The following STK39 variants were observed in gnomAD, a reference collection of about 807,000 sequenced individuals.
STK39 encodes serine/threonine kinase 39.
In STK39, 20 loss-of-function variants were observed where a neutral mutation model predicts 77.8. The ratio of observed to expected loss-of-function variants is 0.26; its 90% confidence interval spans 0.18 to 0.37. STK39 has a LOEUF of 0.37. Among genes scored for constraint, STK39 ranks in the 10% least tolerant of loss-of-function variants. STK39 has a pLI of 1.00. For synonymous variants in STK39, 246 were observed against 234.1 expected, an observed-to-expected ratio of 1.05 and a Z score of -0.47; for missense variants, 479 against 656.5, an observed-to-expected ratio of 0.73 and a Z score of 2.95.
rs1327960083 is a variant in STK39, at chr2:168,122,055, C to T, written c.1089+7486G>A. Among the ~76,000 whole-genome samples, 4 of 152,274 alleles carry T rather than the reference C, an allele frequency of 2.6e-5. No homozygotes were observed. The East Asian group carries it at 7.7e-4, about 29-fold the overall frequency. On this transcript the variant is annotated intron_variant, in intron 10 of 17. Transcript: ENST00000355999. ...TTTTGTAAAATTTTTATTTTCGTTT[C>T]AGGGGCACATGTGAAGGTTTGTTTT...
intron 5 of STK39, among the ~76,000 whole-genome samples, chr2:168,157,501 T>C (rs571377560): frequency 1.3e-5 from 2 of 152,284 alleles, no homozygotes; most frequent in Admixed American, 1.3e-4. Flanking sequence ...TTTATCACAG[T>C]TCTGCAGGCT....
At chr2:168,075,359 T>C in intron 10 of STK39, 128 bp from the exon 11 acceptor site, 1 of 1,287,808 alleles carries the variant, frequency 7.8e-7, no homozygotes, top group South Asian at 1.4e-5. Flanking sequence ...AATCCAGGGA[T>C]AGCTAGCGGT....
At chr2:168,199,415 A>G (rs1689555408) in intron 1 of STK39, among the ~76,000 whole-genome samples, 1 of 152,258 alleles carries the variant, frequency 6.6e-6, no homozygotes. Context: ...AACTGGGAAA[A>G]TCGTTCCGTT....
intron 5 of STK39, among the ~76,000 whole-genome samples, chr2:168,156,291 T>C (rs778649317): frequency 3.3e-5 from 5 of 152,210 alleles, no homozygotes; most frequent in African/African-American, 7.2e-5. Context: ...CAGAAAGCAC[T>C]TGCAGACATG....
intron 14 of STK39, among the ~76,000 whole-genome samples, chr2:168,027,498 A>G (rs1215670281): frequency 6.6e-6 from 1 of 152,162 alleles, no homozygotes; most frequent in Non-Finnish European, 1.5e-5. Flanking sequence ...GCCCCAAACC[A>G]ATGTCAGATA....
chr2:168,096,258 C>A (rs112369007), intron 10 of STK39, among the ~76,000 whole-genome samples: 9 of 152,022 alleles, frequency 5.9e-5, no homozygotes, highest in African/African-American at 2.2e-4. Context: ...AGAATCCTTC[C>A]ACTGGGTGAC....
At chr2:168,128,018 G>A (rs1174262750) in intron 10 of STK39, among the ~76,000 whole-genome samples, 2 of 152,098 alleles carry the variant, frequency 1.3e-5, no homozygotes, top group African/African-American at 4.8e-5. Context: ...GGGAGGGAAG[G>A]TGGGCCCTGT....
chr2:168,155,193 C>T (rs910792893), intron 5 of STK39, among the ~76,000 whole-genome samples: 1 of 152,096 alleles, frequency 6.6e-6, no homozygotes, highest in African/African-American at 2.4e-5. Flanking sequence ...TGGTTCTCCT[C>T]CACCGGGTTC....
chr2:168,098,168 C>T (rs1208264839), intron 10 of STK39, among the ~76,000 whole-genome samples: 3 of 152,196 alleles, frequency 2.0e-5, no homozygotes, highest in African/African-American at 4.8e-5. Context: ...AGCATATTTT[C>T]GGCACCCAAG....
chr2:168,061,078 T>C (rs1438640256), intron 14 of STK39, among the ~76,000 whole-genome samples: 1 of 152,072 alleles, frequency 6.6e-6, no homozygotes, highest in East Asian at 1.9e-4. Flanking sequence ...AAAGATAAAT[T>C]TTATCTAGAG....
At chr2:168,095,118 C>T (rs1686628964) in intron 10 of STK39, among the ~76,000 whole-genome samples, 1 of 152,090 alleles carries the variant, frequency 6.6e-6, no homozygotes, top group Non-Finnish European at 1.5e-5. Flanking sequence ...CCAGCCTGAT[C>T]TCCTCCTTCA....
At chr2:167,987,048 A>C (rs1683578661) in intron 16 of STK39, among the ~76,000 whole-genome samples, 1 of 152,140 alleles carries the variant, frequency 6.6e-6, no homozygotes, top group Non-Finnish European at 1.5e-5. Context: ...GCTTATTCCA[A>C]TGTTATTTGA....
At chr2:168,172,711 T>C (rs1465390986) in intron 2 of STK39, among the ~76,000 whole-genome samples, 2 of 152,220 alleles carry the variant, frequency 1.3e-5, no homozygotes, top group Non-Finnish European at 2.9e-5. Context: ...TATTAAACTA[T>C]ACTTAACCAA....
intron 16 of STK39, among the ~76,000 whole-genome samples, chr2:167,992,331 C>T (rs771926685): frequency 6.6e-6 from 1 of 151,894 alleles, no homozygotes; most frequent in Non-Finnish European, 1.5e-5. Flanking sequence ...TGCCCCCCAA[C>T]AACAACAACA....
chr2:168,213,872 T>C (rs1456502353), intron 1 of STK39, among the ~76,000 whole-genome samples: 1 of 152,198 alleles, frequency 6.6e-6, no homozygotes. Context: ...CCTTTCAATA[T>C]GGTTTCTGAC....
chr2:167,969,947 C>T (rs969088828), intron 16 of STK39, among the ~76,000 whole-genome samples: 1 of 152,200 alleles, frequency 6.6e-6, no homozygotes, highest in African/African-American at 2.4e-5. Context: ...CCTCTTATCC[C>T]TCACCACTCT....
chr2:168,068,670 C>G lies in STK39; in HGVS notation c.1243-3289G>C, dbSNP rs182739628. Among the ~76,000 whole-genome samples the G allele has an allele frequency of 1.7e-3, 253 of 152,272 alleles. 3 individuals carry two copies. Among genetic ancestry groups the G allele is most frequent in the African/African-American group, 5.9e-3 (244 of 41,558 alleles). On this transcript the variant is annotated intron_variant, in intron 12 of 17. Coordinates refer to ENST00000355999, the MANE Select transcript of STK39 (RefSeq NM_013233.3). ...CAAAAGTTCATTTTCAGATATATTGCAGATTTCTGGATTTCTGAAAAACAT... is the reference window on the plus strand; with the variant it reads ...CAAAAGTTCATTTTCAGATATATTGGAGATTTCTGGATTTCTGAAAAACAT...
Position 168,218,893 on chromosome 2 carries a change from A to C in STK39, c.208+28335T>G, listed in dbSNP as rs567389201. On this transcript the variant is annotated intron_variant, in intron 1 of 17. Transcript: ENST00000355999. ...CCAACTAGTGGTACGAACCGTGTTA[A>C]ATCTTACTACATAAAACTCAGGACA... 1.1e-4 allele frequency among the ~76,000 whole-genome samples: 16 copies of C among 151,918 alleles called. No homozygotes were observed. The South Asian group carries it at 3.3e-3, about 31-fold the overall frequency.
intron 4 of STK39, among the ~76,000 whole-genome samples, chr2:168,162,831 C>T (rs1688608639): frequency 6.6e-6 from 1 of 151,826 alleles, no homozygotes; most frequent in Non-Finnish European, 1.5e-5. Context: ...AGTGTCAGTC[C>T]AGCCTGGCCA....
Sources: allele counts gnomAD v4.1 joint callset (sites outside exome capture counted in the v4.1 genomes callset), GRCh38; gene constraint gnomAD v4.1.1; transcripts MANE v1.5; gene names NCBI Gene and HGNC (gene_info 2026-07-23, HGNC 2026-07-21).